Variants in SLC25A21 observed in about 807,000 individuals in gnomAD.
SLC25A21 encodes solute carrier family 25 member 21, also known as mitochondrial 2-oxodicarboxylate carrier.
Under a neutral mutation model 43.8 loss-of-function variants are expected in SLC25A21, and 47 were observed. That is an observed-to-expected ratio of 1.07 (90% CI 0.85 to 1.37). SLC25A21 has a LOEUF of 1.37. SLC25A21 is among the 40% of genes most tolerant of loss of function. The pLI is 0.00. For synonymous variants in SLC25A21, 131 were observed against 121.3 expected (o/e 1.08, Z -0.52); for missense variants, 352 against 350.2 (o/e 1.00, Z -0.04).
chr14:36,816,293 A>G lies in SLC25A21; in HGVS notation c.120-2292T>C, dbSNP rs540120557. On this transcript the variant is annotated intron_variant, in intron 2 of 9. Coordinates refer to ENST00000331299, the MANE Select transcript of SLC25A21 (RefSeq NM_030631.4). ...AGTTCTTTGCAATAAAAATCTCTAAATGAGTATCTATTGACCAACTGGATG... is the reference window on the plus strand; with the variant it reads ...AGTTCTTTGCAATAAAAATCTCTAAGTGAGTATCTATTGACCAACTGGATG... Among the ~76,000 whole-genome samples the G allele has an allele frequency of 2.0e-5, 3 of 152,272 alleles. No homozygotes were observed. The East Asian group carries it at 5.8e-4, about 29-fold the overall frequency.
chr14:37,042,185 C>A (rs1002816006), intron 1 of SLC25A21, among the ~76,000 whole-genome samples: 3 of 152,148 alleles, frequency 2.0e-5, no homozygotes, highest in Non-Finnish European at 4.4e-5. Flanking sequence ...AAACAGAGGG[C>A]AGAATGTGAA....
intron 3 of SLC25A21, among the ~76,000 whole-genome samples, chr14:36,809,681 G>A (rs1235382478): frequency 6.6e-6 from 1 of 152,154 alleles, no homozygotes; most frequent in Non-Finnish European, 1.5e-5. Context: ...TGGGAGATCT[G>A]TGCAGATTTT....
intron 1 of SLC25A21, among the ~76,000 whole-genome samples, chr14:37,022,920 A>G (rs958462586): frequency 1.2e-4 from 19 of 152,058 alleles, no homozygotes; most frequent in African/African-American, 4.3e-4. Context: ...ACAATAGCAT[A>G]TAATTATTTA....
At chr14:36,729,722 C>T (rs1311756714) in intron 4 of SLC25A21, among the ~76,000 whole-genome samples, 156 bp from the exon 5 acceptor site, 1 of 152,146 alleles carries the variant, frequency 6.6e-6, no homozygotes, top group Non-Finnish European at 1.5e-5. Flanking sequence ...CGGGCAGTTG[C>T]TATTGGATCT....
At chr14:36,832,965 T>G (rs1324239218) in intron 2 of SLC25A21, among the ~76,000 whole-genome samples, 1 of 152,194 alleles carries the variant, frequency 6.6e-6, no homozygotes, top group Admixed American at 6.5e-5. Context: ...TAATTTCATT[T>G]TGCTTAAAAT....
chr14:36,846,166 T>C (rs1889535092), intron 2 of SLC25A21, among the ~76,000 whole-genome samples: 1 of 152,188 alleles, frequency 6.6e-6, no homozygotes, highest in Non-Finnish European at 1.5e-5. Flanking sequence ...GAAGGAATTA[T>C]AATTTTCTTA....
At chr14:36,731,711 T>C (rs1884833305) in intron 4 of SLC25A21, among the ~76,000 whole-genome samples, 4 of 152,116 alleles carry the variant, frequency 2.6e-5, no homozygotes, top group Admixed American at 2.0e-4. Context: ...TTCCCAGGCA[T>C]TGGTAGTTTC....
chr14:36,875,002 G>C lies in SLC25A21; in HGVS notation c.73C>G (p.Leu25Val). The C allele has an allele frequency of 7.0e-6, 11 of 1,573,852 alleles. No individual in the cohort carries two copies. The highest frequency in any genetic ancestry group is 9.5e-6 in the Non-Finnish European group (11 of 1,163,686). The change falls in exon 2 of 10, where the codon CTT (leucine) becomes GTT (valine). Residue 25 changes from leucine to valine, a missense_variant and splice_region_variant. Leu to Val is a conservative substitution (Grantham distance 32). Transcript: ENST00000331299. ...RQIVAGGSAG[L>V]VEICLMHPLD... ...GGGTGCATCAGGCAAATTTCTACAAGACCTGAAAGATGATAAAGAAAATCC... is the reference window on the plus strand; with the variant it reads ...GGGTGCATCAGGCAAATTTCTACAACACCTGAAAGATGATAAAGAAAATCC...
intron 1 of SLC25A21, among the ~76,000 whole-genome samples, chr14:37,144,656 G>A (rs1284223455): frequency 1.3e-5 from 2 of 152,150 alleles, no homozygotes; most frequent in Admixed American, 1.3e-4. Context: ...CAGTAGTTAA[G>A]TGAAATAAGA....
At chr14:36,889,394 T>C (rs1891016397) in intron 1 of SLC25A21, among the ~76,000 whole-genome samples, 3 of 152,186 alleles carry the variant, frequency 2.0e-5, no homozygotes, top group Admixed American at 2.0e-4. Context: ...ATTACAGAAA[T>C]ACAAAGGTAG....
intron 6 of SLC25A21, among the ~76,000 whole-genome samples, chr14:36,716,968 T>C (rs1884167069): frequency 1.3e-5 from 2 of 152,202 alleles, no homozygotes; most frequent in South Asian, 4.2e-4. Flanking sequence ...GGAATACGGG[T>C]GTTGTACCGG....
intron 1 of SLC25A21, among the ~76,000 whole-genome samples, chr14:37,089,753 T>C (rs1263545317): frequency 6.6e-6 from 1 of 152,228 alleles, no homozygotes; most frequent in Non-Finnish European, 1.5e-5. Flanking sequence ...TGTCCTCCTA[T>C]GATGACGGAG....
At chr14:37,019,280 G>A (rs992295342) in intron 1 of SLC25A21, among the ~76,000 whole-genome samples, 1 of 151,744 alleles carries the variant, frequency 6.6e-6, no homozygotes, top group Non-Finnish European at 1.5e-5. Flanking sequence ...AACTTTGTAT[G>A]TGCTTCTCTG....
chr14:36,809,413 C>T (rs1888154655), intron 3 of SLC25A21, among the ~76,000 whole-genome samples: 1 of 152,154 alleles, frequency 6.6e-6, no homozygotes, highest in African/African-American at 2.4e-5. Context: ...TGGAATGCCT[C>T]TCTTTTTAAG....
At chr14:36,941,624 G>T in intron 1 of SLC25A21, among the ~76,000 whole-genome samples, 2 of 151,718 alleles carry the variant, frequency 1.3e-5, no homozygotes, top group African/African-American at 2.4e-5. Flanking sequence ...ACTTTCTTAT[G>T]TAGTTTAGAA....
intron 1 of SLC25A21, among the ~76,000 whole-genome samples, chr14:37,049,080 T>A (rs1478950973): frequency 6.6e-6 from 1 of 152,174 alleles, no homozygotes; most frequent in East Asian, 1.9e-4. Flanking sequence ...GATTTATTTG[T>A]TTTTAATCTT....
At chr14:36,717,485 T>C (rs186640496) in intron 6 of SLC25A21, among the ~76,000 whole-genome samples, 224 of 152,328 alleles carry the variant, frequency 1.5e-3, no homozygotes, top group African/African-American at 4.6e-3. Flanking sequence ...CACAAAGCTA[T>C]GTCAATATCA....
chr14:36,906,350 T>C (rs569716516), intron 1 of SLC25A21, among the ~76,000 whole-genome samples: 59 of 152,244 alleles, frequency 3.9e-4, no homozygotes, highest in African/African-American at 1.4e-3. Context: ...CTGTCAAGAT[T>C]TATATTTAAA....
chr14:37,118,557 G>A (rs1481375259), intron 1 of SLC25A21, among the ~76,000 whole-genome samples: 1 of 152,138 alleles, frequency 6.6e-6, no homozygotes, highest in Non-Finnish European at 1.5e-5. Context: ...TCTGGGCAGT[G>A]GGTAAGAAGA....
Sources: gnomAD v4.1 joint callset for allele counts (sites outside exome capture counted in the v4.1 genomes callset) on GRCh38, gnomAD v4.1.1 for gene constraint, MANE v1.5 for transcripts, NCBI Gene and HGNC (gene_info 2026-07-23, HGNC 2026-07-21) for gene names.